Variants in SAMD12 observed in about 807,000 individuals in gnomAD.
SAMD12 encodes sterile alpha motif domain containing 12.
SAMD12 carries 9 observed loss-of-function variants against 15.0 expected under a neutral mutation model. The observed-to-expected ratio is 0.60, with a 90% CI of 0.36 to 1.05. SAMD12 has a LOEUF of 1.05. SAMD12 is among the 50% of genes least tolerant of loss of function. SAMD12 has a pLI of 0.01. For synonymous variants in SAMD12, 86 were observed against 90.1 expected (o/e 0.96, Z 0.25); for missense variants, 230 against 234.2 (o/e 0.98, Z 0.12).
At chr8:118,582,399 C>T (rs1200691473) in intron 1 of SAMD12, among the ~76,000 whole-genome samples, 2 of 152,150 alleles carry the variant, frequency 1.3e-5, no homozygotes, top group African/African-American at 4.8e-5. Flanking sequence ...CAGCTCTACA[C>T]CTAACATACT....
chr8:118,143,883 T>C, the SAMD12 span, among the ~76,000 whole-genome samples: 1 of 152,246 alleles, frequency 6.6e-6, no homozygotes, highest in Non-Finnish European at 1.5e-5. Flanking sequence ...TGTTAGTTTC[T>C]TGTGGCTGCT....
chr8:118,234,292 G>A (rs973647402), intron 4 of SAMD12, among the ~76,000 whole-genome samples: 16 of 151,910 alleles, frequency 1.1e-4, no homozygotes, highest in South Asian at 2.1e-4. Flanking sequence ...AGAAGGCATT[G>A]TCTATTTCCT....
At chr8:118,557,084 T>A (rs1372132101) in intron 2 of SAMD12, among the ~76,000 whole-genome samples, 2 of 152,102 alleles carry the variant, frequency 1.3e-5, no homozygotes, top group Non-Finnish European at 1.5e-5. Flanking sequence ...TGGCTCTACA[T>A]CCCCACCCAA....
intron 2 of SAMD12, among the ~76,000 whole-genome samples, chr8:118,515,333 C>A (rs1203517855): frequency 2.0e-5 from 3 of 151,838 alleles, no homozygotes; most frequent in Non-Finnish European, 4.4e-5. Context: ...TCTCTTTCTT[C>A]CTCCTGGCTC....
At chr8:118,196,827 G>A (rs1294228794) in exon 5 of SAMD12, 2 of 152,144 alleles carry the variant, frequency 1.3e-5, no homozygotes, top group Admixed American at 6.5e-5. Flanking sequence ...CCTTGGAGGA[G>A]CCAAATAGAA....
At chr8:118,259,724 G>C (rs979593910) in intron 4 of SAMD12, among the ~76,000 whole-genome samples, 3 of 151,996 alleles carry the variant, frequency 2.0e-5, no homozygotes, top group Non-Finnish European at 4.4e-5. Context: ...CAATTTTACT[G>C]TACTAGGAGA....
At chr8:118,499,145 T>TA (rs746280436) in intron 2 of SAMD12, among the ~76,000 whole-genome samples, 37 of 152,204 alleles carry the variant, frequency 2.4e-4, no homozygotes, top group Non-Finnish European at 4.7e-4. Context: ...CTTGAGGACT[T>TA]AGACTGCCAG....
At chr8:118,139,609 C>A in the SAMD12 span, among the ~76,000 whole-genome samples, 5 of 152,212 alleles carry the variant, frequency 3.3e-5, no homozygotes, top group Admixed American at 1.3e-4. Context: ...CTTCCTGACT[C>A]AGCCTCCCAA....
intron 2 of SAMD12, among the ~76,000 whole-genome samples, chr8:118,552,658 G>A (rs867806652): frequency 2.0e-5 from 3 of 152,130 alleles, no homozygotes; most frequent in East Asian, 1.9e-4. Flanking sequence ...CCTATTCAAT[G>A]TAGTGTTGGA....
At chr8:118,145,653 G>C in the SAMD12 span, among the ~76,000 whole-genome samples, 25 of 152,208 alleles carry the variant, frequency 1.6e-4, no homozygotes, top group Admixed American at 7.2e-4. Context: ...GAAAGGGTGA[G>C]GAAGCGGGAT....
chr8:118,284,129 C>T (rs1813802786), intron 4 of SAMD12: 1 of 367,082 alleles, frequency 2.7e-6, no homozygotes, highest in South Asian at 2.1e-5. Flanking sequence ...TAATGCCCTT[C>T]CATGTATATT....
intron 2 of SAMD12, among the ~76,000 whole-genome samples, chr8:118,578,603 A>AT (rs1563594445): frequency 6.6e-6 from 1 of 152,278 alleles, no homozygotes; most frequent in East Asian, 1.9e-4. Context: ...AATGCAATGG[A>AT]AGGGAAAATG....
At chr8:118,375,224 G>T (rs1260712486), downstream of SAMD12, among the ~76,000 whole-genome samples, 1 of 152,084 alleles carries the variant, frequency 6.6e-6, no homozygotes, top group East Asian at 1.9e-4. Flanking sequence ...TAGCCCATTT[G>T]ACATAATAAA....
At chr8:118,399,621 G>A (rs765591184) in intron 3 of SAMD12, among the ~76,000 whole-genome samples, 1 of 152,156 alleles carries the variant, frequency 6.6e-6, no homozygotes, top group Non-Finnish European at 1.5e-5. Flanking sequence ...GTTGGCAGAG[G>A]TCTCGTTGTG....
downstream of SAMD12, among the ~76,000 whole-genome samples, chr8:118,185,830 T>C (rs996948493): frequency 1.3e-5 from 2 of 152,204 alleles, no homozygotes; most frequent in Non-Finnish European, 2.9e-5. Context: ...TTTTCATTAA[T>C]AGAAAGTGGC....
At chr8:118,255,778 A>G (rs1436354759) in intron 4 of SAMD12, among the ~76,000 whole-genome samples, 2 of 151,850 alleles carry the variant, frequency 1.3e-5, no homozygotes, top group Non-Finnish European at 2.9e-5. Context: ...GGTTGGTTCC[A>G]AGTCTTTGCT....
intron 4 of SAMD12, among the ~76,000 whole-genome samples, chr8:118,224,045 C>A (rs1812136370): frequency 6.6e-6 from 1 of 152,140 alleles, no homozygotes; most frequent in Admixed American, 6.5e-5. Flanking sequence ...AAAAGTAATT[C>A]TTGTGTTCAT....
chr8:118,190,577 C>T (rs138287062), exon 5 of SAMD12: 23 of 151,962 alleles, frequency 1.5e-4, no homozygotes, highest in African/African-American at 5.3e-4. Flanking sequence ...ATTCTGTTTC[C>T]TTTGTAAATC....
chr8:118,613,049 T>C (rs1255889521), intron 1 of SAMD12, among the ~76,000 whole-genome samples: 1 of 152,116 alleles, frequency 6.6e-6, no homozygotes, highest in Non-Finnish European at 1.5e-5. Context: ...GGGCTGTGGG[T>C]AGAGGGAAGG....
Sources: allele counts gnomAD v4.1 joint callset (sites outside exome capture counted in the v4.1 genomes callset), GRCh38; gene constraint gnomAD v4.1.1; transcripts MANE v1.5; gene names NCBI Gene and HGNC (gene_info 2026-07-23, HGNC 2026-07-21).